The following ALG14 variants were observed in gnomAD, a reference collection of about 807,000 sequenced individuals.
The protein encoded by ALG14 is UDP-N-acetylglucosamine transferase subunit ALG14.
Under a neutral mutation model 22.8 loss-of-function variants are expected in ALG14, and 17 were observed. The observed-to-expected ratio is 0.75, with a 90% CI of 0.51 to 1.12. ALG14 has a LOEUF of 1.12. Among genes scored for constraint, ALG14 ranks in the 50% most tolerant of loss-of-function variants. The probability of loss-of-function intolerance (pLI) is 0.00; values close to 1 mark genes in which losing one functional copy is unlikely to be tolerated. For synonymous variants in ALG14, 89 were observed against 103.7 expected, an observed-to-expected ratio of 0.86 and a Z score of 0.86; for missense variants, 288 against 271.8, an observed-to-expected ratio of 1.06 and a Z score of -0.42.
chr1:95,042,737 A>G (rs950080075), intron 2 of ALG14, among the ~76,000 whole-genome samples: 1 of 152,190 alleles, frequency 6.6e-6, no homozygotes, highest in Non-Finnish European at 1.5e-5. Context: ...GTTAGTTCTG[A>G]AACTGTACAT....
At chr1:95,070,852 C>A (rs1261762517) in intron 1 of ALG14, among the ~76,000 whole-genome samples, 1 of 152,168 alleles carries the variant, frequency 6.6e-6, no homozygotes, top group Non-Finnish European at 1.5e-5. Context: ...CCTCCTACCT[C>A]AGCCTCCCAA....
chr1:94,996,966 A>G (rs537039614), intron 3 of ALG14, among the ~76,000 whole-genome samples: 1 of 152,294 alleles, frequency 6.6e-6, no homozygotes, highest in South Asian at 2.1e-4. Flanking sequence ...TATAGGTGTA[A>G]GCCACCGCAC....
intron 2 of ALG14, among the ~76,000 whole-genome samples, chr1:95,040,359 T>C (rs1371909845): frequency 5.9e-5 from 9 of 152,166 alleles, no homozygotes; most frequent in African/African-American, 2.4e-5. Context: ...ATAAGCACCA[T>C]AAAGTGAGCA....
chr1:94,994,869 A>G (rs996568660), intron 3 of ALG14, among the ~76,000 whole-genome samples: 26 of 152,218 alleles, frequency 1.7e-4, no homozygotes, highest in African/African-American at 5.8e-4. Context: ...GCAGACTATA[A>G]CATGCTATTA....
intron 1 of ALG14, among the ~76,000 whole-genome samples, chr1:95,072,241 T>G (rs1471153618): frequency 2.0e-5 from 3 of 152,168 alleles, no homozygotes; most frequent in Non-Finnish European, 4.4e-5. Context: ...AGTTGGTGGA[T>G]TTAGATTGTA....
intron 2 of ALG14, among the ~76,000 whole-genome samples, chr1:95,060,823 C>T (rs1164576015): frequency 6.6e-6 from 1 of 152,092 alleles, no homozygotes; most frequent in African/African-American, 2.4e-5. Context: ...TTGTGATGCA[C>T]AGTATATAAC....
At chr1:94,985,892 G>GAA (rs375946092) in intron 3 of ALG14, among the ~76,000 whole-genome samples, 3 of 142,528 alleles carry the variant, frequency 2.1e-5, no homozygotes, top group African/African-American at 2.6e-5. Flanking sequence ...ATCAAGGACT[G>GAA]AAAAAAAAAA....
chr1:95,034,616 C>G (rs1272158841), intron 2 of ALG14, among the ~76,000 whole-genome samples: 1 of 152,164 alleles, frequency 6.6e-6, no homozygotes, highest in Non-Finnish European at 1.5e-5. Flanking sequence ...GCACCAGGAC[C>G]TGAACCCAGG....
rs1448139882 is a variant in ALG14, at chr1:94,981,009, G to A, written c.*2067C>T. ...AGCAGGATTACCTGTGGGGGCCCAG[G>A]GAAGCTGCCCCACAGCACAGAGAGG... On this transcript the variant is annotated 3_prime_UTR_variant, in exon 4 of 4. Coordinates refer to ENST00000370205, the MANE Select transcript of ALG14 (RefSeq NM_144988.4). 1 of 152,148 alleles carries A rather than the reference G, an allele frequency of 6.6e-6. No homozygotes were observed. The highest frequency in any genetic ancestry group is 1.5e-5 in the Non-Finnish European group (1 of 68,034). The allele number at this position is 152,148 out of a possible 1,614,324, so 9.4% of individuals were successfully genotyped here.
intron 3 of ALG14, among the ~76,000 whole-genome samples, chr1:95,012,653 C>T (rs1673398382): frequency 6.6e-6 from 1 of 152,168 alleles, no homozygotes; most frequent in Admixed American, 6.6e-5. Context: ...ATCTGTGGTC[C>T]ATGGTCAACG....
Position 95,064,987 on chromosome 1 carries a change from A to G in ALG14, c.167T>C (p.Leu56Pro). 2.5e-6 allele frequency: 4 copies of G among 1,613,772 alleles called. No homozygotes were observed. The highest frequency in any genetic ancestry group is 3.4e-6 in the Non-Finnish European group (4 of 1,179,796). The change falls in exon 2 of 4, where the codon CTT becomes CCT. Residue 56 changes from leucine to proline, a missense_variant. Physicochemically the swap from Leu to Pro is moderately conservative, Grantham distance 98. Coordinates refer to ENST00000370205, the MANE Select transcript of ALG14 (RefSeq NM_144988.4). ...GGHTTEILRL[L>P]GSLSNAYSPR... ...TGAGTAGGCATTGGACAAGCTCCCA[A>G]GCAGCCTCAGGATCTCAGTGGTATG...
intron 2 of ALG14, among the ~76,000 whole-genome samples, chr1:95,039,628 T>G (rs1674319113): frequency 6.6e-6 from 1 of 152,200 alleles, no homozygotes; most frequent in African/African-American, 2.4e-5. Context: ...AAATACTCTT[T>G]AAGTATAAAA....
chr1:95,072,859 C>G lies in ALG14; in HGVS notation c.40G>C (p.Val14Leu), dbSNP rs11165298. Residue 14 changes from valine to leucine, a missense_variant, in exon 1 of 4, where the codon GTG (valine) becomes CTG (leucine). By Grantham distance (32) the Val-to-Leu change is conservative. Transcript: ENST00000370205. ...VLVLAAAAGA[V>L]AVFLILRIWV... ...ATTCGCAGGATTAGGAAAACCGCCA[C>G]AGCTCCTGCGGCCGCAGCTAGAACG... 1 of 1,614,186 alleles carries G rather than the reference C, an allele frequency of 6.2e-7. No individual in the cohort carries two copies. Among genetic ancestry groups the G allele is most frequent in the Non-Finnish European group, 8.5e-7 (1 of 1,180,040 alleles).
chr1:95,072,256 C>T (rs1675589349), intron 1 of ALG14, among the ~76,000 whole-genome samples: 1 of 152,130 alleles, frequency 6.6e-6, no homozygotes, highest in African/African-American at 2.4e-5. Context: ...ATTGTATTAC[C>T]TGACAGGTCA....
intron 3 of ALG14, among the ~76,000 whole-genome samples, chr1:94,989,453 A>T (rs1473964128): frequency 6.6e-6 from 1 of 151,986 alleles, no homozygotes; most frequent in Non-Finnish European, 1.5e-5. Flanking sequence ...GAAGTGAGAT[A>T]CTCCTTTCTA....
chr1:95,009,336 T>A (rs1045083973), intron 3 of ALG14, among the ~76,000 whole-genome samples: 3 of 151,920 alleles, frequency 2.0e-5, no homozygotes, highest in African/African-American at 7.2e-5. Context: ...ATTGTGAAAA[T>A]TTTTACTCTT....
intron 1 of ALG14, among the ~76,000 whole-genome samples, chr1:95,068,356 G>A (rs189992530): frequency 1.1e-3 from 165 of 152,154 alleles, no homozygotes; most frequent in Non-Finnish European, 1.4e-3. Context: ...GCGTGATCTC[G>A]GCTCACGGCA....
Position 95,046,978 on chromosome 1 carries a change from T to C in ALG14, c.288+17888A>G, listed in dbSNP as rs1248981701. ...TGAAACCCTGTCTCACAAAAAAACA[T>C]AACATAACATAACATAACATAACAT... On this transcript the variant is annotated intron_variant, in intron 2 of 3. Transcript: ENST00000370205. Among the ~76,000 whole-genome samples the C allele has an allele frequency of 7.5e-5, 4 of 53,618 alleles. No homozygotes were observed. The South Asian group carries it at 2.0e-3, about 27-fold the overall frequency. 35.2% of individuals were successfully genotyped at this position (53,618 alleles called of 152,430 possible).
intron 2 of ALG14, among the ~76,000 whole-genome samples, chr1:95,058,009 G>A (rs944277054): frequency 4.0e-5 from 6 of 151,742 alleles, no homozygotes; most frequent in African/African-American, 1.2e-4. Flanking sequence ...TCTTCAGGCC[G>A]GGCATGGTGG....
Sources: allele counts gnomAD v4.1 joint callset (sites outside exome capture counted in the v4.1 genomes callset), GRCh38; gene constraint gnomAD v4.1.1; transcripts MANE v1.5; gene names NCBI Gene and HGNC (gene_info 2026-07-23, HGNC 2026-07-21).